Variants in KIFC1 observed in about 807,000 individuals in gnomAD.
KIFC1 encodes the protein kinesin family member C1.
Under a neutral mutation model 66.6 loss-of-function variants are expected in KIFC1, and 37 were observed. The observed-to-expected ratio is 0.56, with a 90% CI of 0.43 to 0.73. The LOEUF is 0.73. Among genes scored for constraint, KIFC1 ranks in the 30% least tolerant of loss-of-function variants. The pLI, the probability that KIFC1 is intolerant of heterozygous loss-of-function variation, is 0.00. For synonymous variants in KIFC1, 325 were observed against 343.5 expected (o/e 0.95, Z 0.60); for missense variants, 721 against 859.8 (o/e 0.84, Z 2.02).
At position 33,404,403 on chromosome 6, in the gene KIFC1, T is replaced by G. The variant is rs1775534564; in HGVS notation, c.756+274T>G. 6.6e-6 allele frequency among the ~76,000 whole-genome samples: 1 copy of G among 152,230 alleles called. No homozygotes were observed. The highest frequency in any genetic ancestry group is 2.4e-5 in the African/African-American group (1 of 41,464). On this transcript the variant is annotated intron_variant, in intron 6 of 10. Transcript: ENST00000428849. The surrounding 1 kb of genome is among the most constrained non-coding windows in gnomAD (Gnocchi z 4.0). The stretch of plus-strand genomic sequence containing the variant: ...TTTCTTAGTCCTCCATCCCTCTTTC[T>G]TTGGGTTCCCATCCTGATCACAAAT...
At position 33,403,291 on chromosome 6, in the gene KIFC1, G is replaced by T; in HGVS notation, c.251-23G>T. ...TCTTAAGAATGATCATTCTACCTTT[G>T]CTCTCTCCCATCTCCTGGGCAGCTC... On this transcript the variant is annotated intron_variant, in intron 3 of 10. Coordinates refer to ENST00000428849, the MANE Select transcript of KIFC1 (RefSeq NM_002263.4). The surrounding 1 kb of genome is among the most constrained non-coding windows in gnomAD (Gnocchi z 4.6). The T allele has an allele frequency of 6.2e-7, 1 of 1,606,900 alleles. No individual in the cohort carries two copies. Among genetic ancestry groups the T allele is most frequent in the South Asian group, 1.1e-5 (1 of 90,882 alleles).
In KIFC1 at chr6:33,391,876, G is replaced by T. The variant is rs931256154; in HGVS notation, c.-110G>T. 2 of 1,364,846 alleles carry T rather than the reference G, an allele frequency of 1.5e-6. No homozygotes were observed. The highest frequency in any genetic ancestry group is 2.8e-5 in the African/African-American group (2 of 70,354). 84.5% of individuals were successfully genotyped at this position (1,364,846 alleles called of 1,614,324 possible). On this transcript the variant is annotated 5_prime_UTR_variant, in exon 1 of 11. Coordinates refer to ENST00000428849, the MANE Select transcript of KIFC1 (RefSeq NM_002263.4). ...GGGCTGGTAGCGGCCGGAGCCGTGC[G>T]AGTTCTCTACCCTGCTTCGCGAGCG...
rs954046280 is a variant in KIFC1 at position 33,406,181 on chromosome 6, T to G, written c.1537-15T>G. On this transcript the variant is annotated splice_polypyrimidine_tract_variant and intron_variant, in intron 7 of 10. Coordinates refer to ENST00000428849, the MANE Select transcript of KIFC1 (RefSeq NM_002263.4). This position sits in a 1 kb window ranked among gnomAD's most constrained non-coding sequence, Gnocchi z 4.5. ...CTTCTGCCTGCCTTTTTGCCCCTTC[T>G]GCTCCCATCCCCAGGTGGACGCCCT... The G allele has an allele frequency of 2.0e-5, 32 of 1,593,342 alleles. No individual in the cohort carries two copies. Among genetic ancestry groups the G allele is most frequent in the Non-Finnish European group, 2.7e-5 (31 of 1,167,216 alleles).
rs148774402 is a variant in KIFC1 at position 33,404,110 on chromosome 6, C to T, written c.737C>T (p.Ser246Phe). Residue 246 changes from serine to phenylalanine, a missense_variant, in exon 6 of 11, where the codon TCC (serine) becomes TTC (phenylalanine). By Grantham distance (155) the Ser-to-Phe change is radical (BLOSUM62 -2). Coordinates refer to ENST00000428849, the MANE Select transcript of KIFC1 (RefSeq NM_002263.4). This position sits in a 1 kb window ranked among gnomAD's most constrained non-coding sequence, Gnocchi z 4.0. ...CAGGAAGAACGGAGGGGACTGATGT[C>T]CCAACTAGAGGAGAAGGAGGTAAGG... ...ELQEERRGLM[S>F]QLEEKERRLQ... The T allele has an allele frequency of 1.4e-5, 22 of 1,611,964 alleles. No homozygotes were observed. The highest frequency in any genetic ancestry group is 1.8e-5 in the Non-Finnish European group (21 of 1,178,912).
intron 1 of KIFC1, among the ~76,000 whole-genome samples, chr6:33,392,966 T>G (rs1422595730): frequency 6.6e-6 from 1 of 152,130 alleles, no homozygotes; most frequent in Non-Finnish European, 1.5e-5. Context: ...AGACAATAAA[T>G]GTAATAAATG....
rs1316053282 is a variant in KIFC1 at position 33,405,084 on chromosome 6, GCCT to G, written c.996_998del (p.Leu333del). 1 of 1,614,086 alleles carries G rather than the reference GCCT, an allele frequency of 6.2e-7. No individual in the cohort carries two copies. The highest frequency in any genetic ancestry group is 8.5e-7 in the Non-Finnish European group (1 of 1,179,992). On this transcript the variant is annotated inframe_deletion, in exon 7 of 11. Coordinates refer to ENST00000428849, the MANE Select transcript of KIFC1 (RefSeq NM_002263.4). This position sits in a 1 kb window ranked among gnomAD's most constrained non-coding sequence, Gnocchi z 5.4. Reference sequence around the variant, plus strand: ...CCGGGGGAGCCCACTCCACCCCCTGGCCTCCTCCTGTTTCCCTCTGGCCCTGGT... The same window carrying G: ...CCGGGGGAGCCCACTCCACCCCCTGGCCTCCTGTTTCCCTCTGGCCCTGGT...
At chr6:33,393,429 A>C (rs892289719) in intron 1 of KIFC1, among the ~76,000 whole-genome samples, 15 of 122,762 alleles carry the variant, frequency 1.2e-4, no homozygotes, top group Non-Finnish European at 2.1e-4. Context: ...CCATAGCACC[A>C]TTGCCTTTTT....
At position 33,404,835 on chromosome 6, in the gene KIFC1, T is replaced by G; in HGVS notation, c.757-17T>G. 1 of 1,584,970 alleles carries G rather than the reference T, an allele frequency of 6.3e-7. No individual in the cohort carries two copies. The highest frequency in any genetic ancestry group is 8.6e-7 in the Non-Finnish European group (1 of 1,163,732). ...TGCATCTTACCCTCTGTGTATGTTG[T>G]GTTCTCTTCTGGGCAGAGGAGGCTG... On this transcript the variant is annotated splice_polypyrimidine_tract_variant and intron_variant, in intron 6 of 10. Coordinates refer to ENST00000428849, the MANE Select transcript of KIFC1 (RefSeq NM_002263.4). This position sits in a 1 kb window ranked among gnomAD's most constrained non-coding sequence, Gnocchi z 4.0.
Position 33,394,245 on chromosome 6 carries a change from G to A in KIFC1, c.12+2248G>A, listed in dbSNP as rs185307956. Among the ~76,000 whole-genome samples the A allele has an allele frequency of 1.5e-3, 228 of 152,308 alleles. 1 individual carries two copies. Among genetic ancestry groups the A allele is most frequent in the African/African-American group, 4.4e-3 (181 of 41,562 alleles). The stretch of plus-strand genomic sequence containing the variant: ...TGCCAGATGATGGTGTCTTAGGTCA[G>A]GGTGATAGCAGTGGAAGAAACAGTA... On this transcript the variant is annotated intron_variant, in intron 1 of 10. Coordinates refer to ENST00000428849, the MANE Select transcript of KIFC1 (RefSeq NM_002263.4).
rs1031031781 is a variant in KIFC1, at chr6:33,397,575, C to T, written c.13-454C>T. ...CCTCCCAAAGTGCTGGGATTACAGG[C>T]ATAAGCCACTGCACCCGGTCCAGGT... is the stretch of plus-strand genomic sequence containing the variant. On this transcript the variant is annotated intron_variant, in intron 1 of 10. Coordinates refer to ENST00000428849, the MANE Select transcript of KIFC1 (RefSeq NM_002263.4). Among the ~76,000 whole-genome samples the T allele has an allele frequency of 8.5e-5, 13 of 152,196 alleles. No homozygotes were observed. The East Asian group carries it at 1.3e-3, about 16-fold the overall frequency.
rs1403744475 is a variant in KIFC1 at position 33,403,782 on chromosome 6, T to G, written c.409T>G (p.Trp137Gly). 2 of 1,614,190 alleles carry G rather than the reference T, an allele frequency of 1.2e-6. No individual in the cohort carries two copies. The highest frequency in any genetic ancestry group is 1.7e-6 in the Non-Finnish European group (2 of 1,180,026). Residue 137 changes from tryptophan to glycine, a missense_variant, in exon 6 of 11, where the codon TGG (tryptophan) becomes GGG (glycine). By Grantham distance (184) the Trp-to-Gly change is radical. Coordinates refer to ENST00000428849, the MANE Select transcript of KIFC1 (RefSeq NM_002263.4). The surrounding 1 kb of genome is among the most constrained non-coding windows in gnomAD (Gnocchi z 4.6). ...GGKKPSKRPA[W>G]DLKGQLCDLN... is the part of the protein sequence containing the mutation. Reference sequence around the variant, plus strand: ...GAAGAAACCCAGCAAACGTCCAGCCTGGGACTTAAAGGGTCAGTTATGTGA... The same window carrying G: ...GAAGAAACCCAGCAAACGTCCAGCCGGGGACTTAAAGGGTCAGTTATGTGA...
Position 33,400,305 on chromosome 6 carries a change from G to A in KIFC1, c.250+1918G>A, listed in dbSNP as rs1775306111. ...TTCTGTCTCTTGGTGGTTTCTTGAG[G>A]GCTTTGATGATCGGGGCAGAGGCAG... On this transcript the variant is annotated intron_variant, in intron 3 of 10. Transcript: ENST00000428849. This position sits in a 1 kb window ranked among gnomAD's most constrained non-coding sequence, Gnocchi z 4.3. 6.3e-7 allele frequency: 1 copy of A among 1,578,060 alleles called. No homozygotes were observed. Among genetic ancestry groups the A allele is most frequent in the Non-Finnish European group, 8.6e-7 (1 of 1,161,944 alleles).
chr6:33,409,747 GTGTGTGTCCCTA>G lies in KIFC1; in HGVS notation c.*61_*72del. The G allele has an allele frequency of 3.4e-6, 4 of 1,193,108 alleles. No homozygotes were observed. Among genetic ancestry groups the G allele is most frequent in the Non-Finnish European group, 3.6e-6 (3 of 837,042 alleles). The allele number at this position is 1,193,108 out of a possible 1,614,324, so 73.9% of individuals were successfully genotyped here. On this transcript the variant is annotated 3_prime_UTR_variant, in exon 11 of 11. Coordinates refer to ENST00000428849, the MANE Select transcript of KIFC1 (RefSeq NM_002263.4). Reference sequence around the variant, plus strand: ...TGTGTGTGTGTGTGTGTGTGTGTGTGTGTGTGTCCCTATGTCTATGTATCGGGTGAGGGGTGG... The same window carrying G: ...TGTGTGTGTGTGTGTGTGTGTGTGTGTGTCTATGTATCGGGTGAGGGGTGG...
Position 33,399,543 on chromosome 6 carries a change from T to A in KIFC1, c.250+1156T>A, listed in dbSNP as rs1775272334. On this transcript the variant is annotated intron_variant, in intron 3 of 10. Coordinates refer to ENST00000428849, the MANE Select transcript of KIFC1 (RefSeq NM_002263.4). Reference sequence around the variant, plus strand: ...TTACTGAAACCTAGATGATCTAGCCTGCTACACACCTAGGCTATCTGCGAT... The same window carrying A: ...TTACTGAAACCTAGATGATCTAGCCAGCTACACACCTAGGCTATCTGCGAT... Among the ~76,000 whole-genome samples the A allele has an allele frequency of 2.0e-5, 3 of 152,218 alleles. No homozygotes were observed. The South Asian group carries it at 6.2e-4, about 31-fold the overall frequency.
rs376440790 is a variant in KIFC1 at position 33,406,767 on chromosome 6, A to C, written c.1902-33A>C. 282 of 1,613,474 alleles carry C rather than the reference A, an allele frequency of 1.7e-4. No individual in the cohort carries two copies. Among genetic ancestry groups the C allele is most frequent in the Non-Finnish European group, 2.4e-4 (279 of 1,179,536 alleles). On this transcript the variant is annotated intron_variant, in intron 9 of 10. Transcript: ENST00000428849. This position sits in a 1 kb window ranked among gnomAD's most constrained non-coding sequence, Gnocchi z 4.5. ...ACCTGTCCAGGCTCTGCTGGCCCCTAATGCTGGGGTTGGGCACATTGTCTT... is the reference window on the plus strand; with the variant it reads ...ACCTGTCCAGGCTCTGCTGGCCCCTCATGCTGGGGTTGGGCACATTGTCTT...
In KIFC1 at chr6:33,400,434, C is replaced by CT. The variant is rs1775312569; in HGVS notation, c.250+2053dup. On this transcript the variant is annotated intron_variant, in intron 3 of 10. Coordinates refer to ENST00000428849, the MANE Select transcript of KIFC1 (RefSeq NM_002263.4). The surrounding 1 kb of genome is among the most constrained non-coding windows in gnomAD (Gnocchi z 4.3). ...TTGCCTTGGCAATGTCATCACCAAC[C>CT]TTTTTTGGAGACAGACCCAGGGGGC... 19 of 1,601,978 alleles carry CT rather than the reference C, an allele frequency of 1.2e-5. No homozygotes were observed. The highest frequency in any genetic ancestry group is 1.4e-5 in the Non-Finnish European group (17 of 1,173,522).
chr6:33,394,167 C>T (rs772025936), intron 1 of KIFC1, among the ~76,000 whole-genome samples: 1 of 152,112 alleles, frequency 6.6e-6, no homozygotes, highest in Non-Finnish European at 1.5e-5. Context: ...CAAATGTCAC[C>T]TTGGGGATAA....
Position 33,398,090 on chromosome 6 carries a change from C to T in KIFC1, c.74C>T (p.Pro25Leu). Reference sequence around the variant, plus strand: ...CTGAAGAGACCTCTGATTAAGGCCCCTTCCCAGCTGCCTCTCTCAGGAAGC... The same window carrying T: ...CTGAAGAGACCTCTGATTAAGGCCCTTTCCCAGCTGCCTCTCTCAGGAAGC... ...IELKRPLIKA[P>L]SQLPLSGSRL... is the part of the protein sequence containing the mutation. The change falls in exon 2 of 11, where the codon CCT (proline) becomes CTT (leucine). Residue 25 changes from proline to leucine, a missense_variant. By Grantham distance (98) the Pro-to-Leu change is moderately conservative. Coordinates refer to ENST00000428849, the MANE Select transcript of KIFC1 (RefSeq NM_002263.4). 1 of 1,614,124 alleles carries T rather than the reference C, an allele frequency of 6.2e-7. No homozygotes were observed. The highest frequency in any genetic ancestry group is 8.5e-7 in the Non-Finnish European group (1 of 1,180,002).
intron 1 of KIFC1, among the ~76,000 whole-genome samples, chr6:33,394,491 T>C (rs997375927): frequency 6.6e-6 from 1 of 152,072 alleles, no homozygotes; most frequent in Non-Finnish European, 1.5e-5. Context: ...AAATGGAGAT[T>C]TTTTTTGATA....
Sources: allele counts gnomAD v4.1 joint callset (sites outside exome capture counted in the v4.1 genomes callset), GRCh38; gene constraint gnomAD v4.1.1; non-coding constraint Gnocchi (gnomAD v3.1); transcripts MANE v1.5; gene names NCBI Gene and HGNC (gene_info 2026-07-23, HGNC 2026-07-21).